The following WASL variants were observed in gnomAD, a reference collection of about 807,000 sequenced individuals.
The protein encoded by WASL is actin nucleation-promoting factor WASL.
Under a neutral mutation model 55.5 loss-of-function variants are expected in WASL, and 20 were observed. The observed-to-expected ratio is 0.36, with a 90% CI of 0.25 to 0.52. The LOEUF (loss-of-function observed/expected upper bound fraction) is 0.52. Ranked by LOEUF, WASL falls within the 20% of genes least tolerant of loss-of-function variation. The pLI, the probability that WASL is intolerant of heterozygous loss-of-function variation, is 0.92. For missense variants in WASL, 504 were observed against 622.5 expected (o/e 0.81, Z 2.03); for synonymous variants, 249 against 217.6 (o/e 1.14, Z -1.27).
At position 123,692,679 on chromosome 7, in the gene WASL, G is replaced by A. The variant is rs775777731; in HGVS notation, c.1015C>T (p.Pro339Ser). Residue 339 changes from proline (P) to serine (S), a missense_variant, in exon 9 of 11, where the codon CCA becomes TCA. By Grantham distance (74) the Pro-to-Ser change is moderately conservative. This residue lies in a region of WASL where 201 missense variants were observed against 206.2 expected (regional missense o/e 0.97). Transcript: ENST00000223023. ...RPSVAVPPPP[P>S]NRMYPPPPPA... Reference sequence around the variant, plus strand: ...GGTGGAGGAGGGTACATCCTATTTGGCGGTGGTGGAGGGACTGCTACACTT... The same window carrying A: ...GGTGGAGGAGGGTACATCCTATTTGACGGTGGTGGAGGGACTGCTACACTT... 1 of 1,540,742 alleles carries A rather than the reference G, an allele frequency of 6.5e-7. No individual in the cohort carries two copies. The highest frequency in any genetic ancestry group is 8.7e-7 in the Non-Finnish European group (1 of 1,147,606).
intron 8 of WASL, among the ~76,000 whole-genome samples, chr7:123,693,896 T>C (rs1434626020): frequency 1.3e-5 from 2 of 152,112 alleles, no homozygotes; most frequent in African/African-American, 4.8e-5. Flanking sequence ...CATCTAAATA[T>C]CCTGAGACTA....
chr7:123,725,478 T>C (rs1804026533), intron 1 of WASL, among the ~76,000 whole-genome samples: 1 of 152,296 alleles, frequency 6.6e-6, no homozygotes, highest in African/African-American at 2.4e-5. Context: ...CTGAAACCTA[T>C]TTCTATTTTA....
chr7:123,684,818 T>C (rs915254803), intron 10 of WASL, among the ~76,000 whole-genome samples: 1 of 152,070 alleles, frequency 6.6e-6, no homozygotes, highest in African/African-American at 2.4e-5. Flanking sequence ...AATATCTATG[T>C]GACAAATTTC....
intron 1 of WASL, among the ~76,000 whole-genome samples, chr7:123,732,199 G>A (rs113506094): frequency 0.029 from 4,402 of 152,160 alleles, 93 homozygotes; most frequent in Admixed American, 0.039. Flanking sequence ...GTGTGGTGGC[G>A]GACGCCTGTA....
At chr7:123,701,510 G>A (rs796150160) in intron 5 of WASL, among the ~76,000 whole-genome samples, 19 of 152,338 alleles carry the variant, frequency 1.2e-4, no homozygotes, top group African/African-American at 4.6e-4. Context: ...TAAAATGTGA[G>A]ACTGACCAAT....
At chr7:123,716,362 C>T (rs1321395884) in intron 1 of WASL, among the ~76,000 whole-genome samples, 4 of 151,984 alleles carry the variant, frequency 2.6e-5, no homozygotes, top group Non-Finnish European at 5.9e-5. Flanking sequence ...ATTACAGAAA[C>T]CCACCATCAT....
At chr7:123,695,673 TG>T in intron 7 of WASL, 149 bp downstream of exon 7, 1 of 650,824 alleles carries the variant, frequency 1.5e-6, no homozygotes, top group Non-Finnish European at 2.5e-6. Flanking sequence ...AACAATAATA[TG>T]GTTTTAAACC....
chr7:123,740,384 T>A (rs1428663987), intron 1 of WASL, among the ~76,000 whole-genome samples: 1 of 152,166 alleles, frequency 6.6e-6, no homozygotes, highest in Non-Finnish European at 1.5e-5. Context: ...AGTTTTACTC[T>A]CCTATATGCT....
intron 5 of WASL, among the ~76,000 whole-genome samples, chr7:123,703,353 T>TA (rs1423596498): frequency 6.6e-6 from 1 of 152,192 alleles, no homozygotes; most frequent in African/African-American, 2.4e-5. Context: ...TAATAGGAGC[T>TA]ACTTCAGAAG....
intron 7 of WASL, among the ~76,000 whole-genome samples, chr7:123,695,162 G>A (rs538532660): frequency 1.3e-5 from 2 of 152,150 alleles, no homozygotes; most frequent in African/African-American, 4.8e-5. Flanking sequence ...TCCTAAGTAA[G>A]TATGTAAAAA....
At chr7:123,700,136 A>T (rs1803556608) in intron 5 of WASL, among the ~76,000 whole-genome samples, 1 of 131,870 alleles carries the variant, frequency 7.6e-6, no homozygotes, top group Non-Finnish European at 1.6e-5. Flanking sequence ...AAATAGCGCC[A>T]CTGCACTCCA....
intron 10 of WASL, among the ~76,000 whole-genome samples, chr7:123,686,289 A>AT (rs1216365070): frequency 6.6e-6 from 1 of 151,932 alleles, no homozygotes; most frequent in Non-Finnish European, 1.5e-5. Context: ...AGTCATGTTA[A>AT]TTTCTGTTTA....
intron 1 of WASL, among the ~76,000 whole-genome samples, chr7:123,742,859 T>C (rs1190744505): frequency 1.3e-5 from 2 of 152,224 alleles, no homozygotes; most frequent in Admixed American, 6.5e-5. Context: ...TCTGCTTAGA[T>C]ATATGCTATA....
intron 1 of WASL, among the ~76,000 whole-genome samples, chr7:123,710,981 G>A (rs1463376671): frequency 6.6e-6 from 1 of 152,104 alleles, no homozygotes; most frequent in Non-Finnish European, 1.5e-5. Flanking sequence ...TAGTTCTAAG[G>A]AGAATTCGCA....
intron 3 of WASL, 56 bp downstream of exon 3, chr7:123,706,684 A>G: frequency 8.0e-7 from 1 of 1,243,766 alleles, no homozygotes. Context: ...AATTTGGATT[A>G]GAAAAGGCAA....
Position 123,683,360 on chromosome 7 carries a change from TAA to T in WASL, c.*1157_*1158del, listed in dbSNP as rs1803232357. The T allele has an allele frequency of 6.6e-6, 1 of 151,852 alleles. No individual in the cohort carries two copies. Among genetic ancestry groups the T allele is most frequent in the Non-Finnish European group, 1.5e-5 (1 of 67,876 alleles). 9.4% of individuals were successfully genotyped at this position (151,852 alleles called of 1,614,324 possible). On this transcript the variant is annotated 3_prime_UTR_variant, in exon 11 of 11. Coordinates refer to ENST00000223023, the MANE Select transcript of WASL (RefSeq NM_003941.4). Reference sequence around the variant, plus strand: ...GTATGCATAACAAATGTGCAGGTTGTAAAGTTTTATCTTTAAAAAAAAAAAAT... The same window carrying T: ...GTATGCATAACAAATGTGCAGGTTGTAGTTTTATCTTTAAAAAAAAAAAAT...
chr7:123,692,702 C>T lies in WASL; in HGVS notation c.992G>A (p.Ser331Asn), dbSNP rs200072224. Residue 331 changes from serine to asparagine, a missense_variant, in exon 9 of 11, where the codon AGT (serine) becomes AAT (asparagine). Physicochemically the swap from Ser to Asn is conservative, Grantham distance 46. Around this residue, in one of 5 missense-constraint regions of WASL, gnomAD observed 201 missense variants for 206.2 expected, o/e 0.97. Coordinates refer to ENST00000223023, the MANE Select transcript of WASL (RefSeq NM_003941.4). ...TGGCGGTGGTGGAGGGACTGCTACA[C>T]TTGGCCTGGAAGGAGGCGGTGGTGG... ...APPPPPPSRP[S>N]VAVPPPPPNR... 4.0e-5 allele frequency: 61 copies of T among 1,520,616 alleles called. No individual in the cohort carries two copies. Among genetic ancestry groups the T allele is most frequent in the Non-Finnish European group, 5.3e-5 (60 of 1,136,890 alleles). The allele number at this position is 1,520,616 out of a possible 1,614,324, so 94.2% of individuals were successfully genotyped here.
At position 123,706,349 on chromosome 7, in the gene WASL, C is replaced by T; in HGVS notation, c.364G>A (p.Ala122Thr). 6.2e-7 allele frequency: 1 copy of T among 1,613,226 alleles called. No individual in the cohort carries two copies. The highest frequency in any genetic ancestry group is 8.5e-7 in the Non-Finnish European group (1 of 1,179,620). Reference sequence around the variant, plus strand: ...AATTTTTTTGCTTCTTCTTCATTGGCAAAATTAAGAGCAACTTGACAAGTC... The same window carrying T: ...AATTTTTTTGCTTCTTCTTCATTGGTAAAATTAAGAGCAACTTGACAAGTC... The part of the protein sequence containing the change: ...GDTCQVALNF[A>T]NEEEAKKFRK... The change falls in exon 4 of 11, where the codon GCC (alanine) becomes ACC (threonine). Residue 122 changes from alanine (A) to threonine (T), a missense_variant. By Grantham distance (58) the Ala-to-Thr change is moderately conservative. This residue lies in a region of WASL where 230 missense variants were observed against 271.9 expected (regional missense o/e 0.85). Transcript: ENST00000223023.
intron 1 of WASL, among the ~76,000 whole-genome samples, chr7:123,715,279 T>C (rs954872306): frequency 2.0e-5 from 3 of 152,198 alleles, no homozygotes; most frequent in African/African-American, 7.2e-5. Flanking sequence ...AGCTTGCCCT[T>C]TTGGAAGTGC....
Sources: allele counts gnomAD v4.1 joint callset (sites outside exome capture counted in the v4.1 genomes callset), GRCh38; gene constraint gnomAD v4.1.1; regional missense constraint gnomAD v4.1.1; transcripts MANE v1.5; gene names NCBI Gene and HGNC (gene_info 2026-07-23, HGNC 2026-07-21).